Variants in PLS1 observed in about 807,000 individuals in gnomAD.
PLS1 encodes the protein plastin 1.
Under a neutral mutation model 73.7 loss-of-function variants are expected in PLS1, and 32 were observed. The observed-to-expected ratio is 0.43, with a 90% CI of 0.33 to 0.58. PLS1 has a LOEUF of 0.58. Ranked by LOEUF, PLS1 falls within the 20% of genes least tolerant of loss-of-function variation. The pLI is 0.04. For synonymous variants in PLS1, 217 were observed against 261.3 expected (o/e 0.83, Z 1.63); for missense variants, 633 against 740.5 (o/e 0.85, Z 1.68).
At chr3:142,695,391 AG>A (rs950973383) in intron 11 of PLS1, among the ~76,000 whole-genome samples, 2 of 152,198 alleles carry the variant, frequency 1.3e-5, no homozygotes, top group Non-Finnish European at 2.9e-5. Context: ...ATTGAAAACC[AG>A]TGTTACCTTA....
chr3:142,629,199 A>T (rs1037338463), intron 1 of PLS1, among the ~76,000 whole-genome samples: 3 of 145,690 alleles, frequency 2.1e-5, no homozygotes, highest in South Asian at 2.2e-4. Flanking sequence ...ATTGGAAATA[A>T]TTTTTTTTTT....
intron 1 of PLS1, among the ~76,000 whole-genome samples, chr3:142,659,757 C>T (rs1014771122): frequency 6.6e-6 from 1 of 150,912 alleles, no homozygotes; most frequent in Non-Finnish European, 1.5e-5. Context: ...AGTGCAATGG[C>T]GTGATCTTGG....
Position 142,624,798 on chromosome 3 carries a change from A to C in PLS1, c.-37+28289A>C, listed in dbSNP as rs148537703. 6.9e-3 allele frequency among the ~76,000 whole-genome samples: 1,058 copies of C among 152,330 alleles called. 13 individuals carry two copies. Among genetic ancestry groups the C allele is most frequent in the African/African-American group, 0.024 (1,016 of 41,586 alleles). On this transcript the variant is annotated intron_variant, in intron 1 of 15. Coordinates refer to ENST00000457734, the MANE Select transcript of PLS1 (RefSeq NM_001145319.2). ...AAAGTGAGTGCCCTGGGAAAATTTT[A>C]CATAGTTAAAACAAAACACATAGCT...
intron 1 of PLS1, among the ~76,000 whole-genome samples, chr3:142,621,153 C>T (rs1248975160): frequency 6.6e-6 from 1 of 151,870 alleles, no homozygotes; most frequent in Non-Finnish European, 1.5e-5. Context: ...GTATTTTTTT[C>T]CTGGAATTTT....
intron 1 of PLS1, among the ~76,000 whole-genome samples, chr3:142,626,707 A>G (rs373473158): frequency 6.6e-6 from 1 of 152,150 alleles, no homozygotes; most frequent in South Asian, 2.1e-4. Context: ...ACTCCTACTA[A>G]GATTAGAGGT....
At chr3:142,653,103 G>C (rs928391369) in intron 1 of PLS1, among the ~76,000 whole-genome samples, 1 of 152,066 alleles carries the variant, frequency 6.6e-6, no homozygotes, top group East Asian at 1.9e-4. Context: ...GGTAACTGCC[G>C]CCCCTGACTT....
intron 11 of PLS1, among the ~76,000 whole-genome samples, chr3:142,697,638 G>A (rs1469425409): frequency 6.6e-6 from 1 of 152,134 alleles, no homozygotes; most frequent in Non-Finnish European, 1.5e-5. Flanking sequence ...TCTACCTTAT[G>A]TCCAATGGTG....
intron 1 of PLS1, among the ~76,000 whole-genome samples, chr3:142,638,794 T>C (rs1170270771): frequency 6.6e-6 from 1 of 152,024 alleles, no homozygotes; most frequent in Non-Finnish European, 1.5e-5. Flanking sequence ...CAGGCTAGAG[T>C]GTAATGGTGC....
intron 1 of PLS1, among the ~76,000 whole-genome samples, chr3:142,661,136 A>G (rs2037362036): frequency 6.6e-6 from 1 of 152,232 alleles, no homozygotes; most frequent in Non-Finnish European, 1.5e-5. Flanking sequence ...TTGCAGACCC[A>G]GGGAATTATG....
chr3:142,684,732 T>C (rs915501032), intron 8 of PLS1, among the ~76,000 whole-genome samples: 1 of 152,216 alleles, frequency 6.6e-6, no homozygotes, highest in Admixed American at 6.5e-5. Context: ...CTAATAATTA[T>C]ATCTGTTTAC....
chr3:142,686,684 A>G (rs368020677), intron 9 of PLS1, among the ~76,000 whole-genome samples: 13 of 152,328 alleles, frequency 8.5e-5, no homozygotes, highest in African/African-American at 3.1e-4. Context: ...TACAAGCAGC[A>G]TTCCCCAGTA....
chr3:142,671,273 A>G (rs2037599220), intron 4 of PLS1, 151 bp downstream of exon 4: 1 of 678,218 alleles, frequency 1.5e-6, no homozygotes, highest in African/African-American at 1.8e-5. Flanking sequence ...ACAGTATAAC[A>G]TGCCATTGAA....
chr3:142,619,381 G>C (rs927866265), intron 1 of PLS1: 2 of 152,082 alleles, frequency 1.3e-5, no homozygotes, highest in Non-Finnish European at 2.9e-5. Flanking sequence ...CCAGCTGCTT[G>C]GTGTGCCCTT....
intron 8 of PLS1, among the ~76,000 whole-genome samples, chr3:142,685,258 G>C (rs1294137856): frequency 1.3e-5 from 2 of 152,124 alleles, no homozygotes; most frequent in Non-Finnish European, 2.9e-5. Flanking sequence ...CATTTATTCA[G>C]CTCTTTCTGA....
intron 4 of PLS1, among the ~76,000 whole-genome samples, chr3:142,674,991 A>G (rs537452439): frequency 6.6e-6 from 1 of 152,172 alleles, no homozygotes; most frequent in African/African-American, 2.4e-5. Context: ...TCAGCCTCCC[A>G]AAGTGCAGGG....
intron 1 of PLS1, among the ~76,000 whole-genome samples, chr3:142,599,081 GA>G (rs1343516412): frequency 1.3e-5 from 2 of 151,660 alleles, no homozygotes; most frequent in Non-Finnish European, 2.9e-5. Flanking sequence ...TCCCGTTCTA[GA>G]TGATAAGCTC....
intron 1 of PLS1, chr3:142,654,940 C>T (rs772180768): frequency 6.6e-6 from 1 of 152,090 alleles, no homozygotes. Flanking sequence ...ACTCCTTATG[C>T]TCTGTGAAGA....
chr3:142,645,917 C>G (rs1320211499), intron 1 of PLS1, among the ~76,000 whole-genome samples: 2 of 152,056 alleles, frequency 1.3e-5, no homozygotes, highest in Non-Finnish European at 2.9e-5. Flanking sequence ...ACCGACAAGT[C>G]AGGTTCTAGG....
At chr3:142,670,854 T>C (rs2037589783) in intron 3 of PLS1, 139 bp from the exon 4 acceptor site, 1 of 545,326 alleles carries the variant, frequency 1.8e-6, no homozygotes, top group Non-Finnish European at 3.2e-6. Context: ...ATGAAAGTTA[T>C]CTGTGTATAC....
Sources: allele counts gnomAD v4.1 joint callset (sites outside exome capture counted in the v4.1 genomes callset), GRCh38; gene constraint gnomAD v4.1.1; transcripts MANE v1.5; gene names NCBI Gene and HGNC (gene_info 2026-07-23, HGNC 2026-07-21).